SCN1A: variants seen among roughly 807,000 people sequenced by gnomAD.
The protein encoded by SCN1A is sodium voltage-gated channel alpha subunit 1, also known as sodium channel protein type 1 subunit alpha.
Under a neutral mutation model 193.7 loss-of-function variants are expected in SCN1A, and 13 were observed. The ratio of observed to expected loss-of-function variants is 0.07; its 90% CI spans 0.04 to 0.11. The LOEUF is 0.11. SCN1A is among the 10% of genes least tolerant of loss of function. The pLI is 1.00. For missense variants in SCN1A, 1,432 were observed against 2,451.1 expected (o/e 0.58, Z 8.78); for synonymous variants, 781 against 843.6 (o/e 0.93, Z 1.29).
chr2:166,133,218 C>T (rs1212772846), intron 1 of SCN1A, among the ~76,000 whole-genome samples: 1 of 152,144 alleles, frequency 6.6e-6, no homozygotes, highest in African/African-American at 2.4e-5. Flanking sequence ...CCCAGTTGCC[C>T]TCTGCCTTCC....
chr2:166,003,797 T>A (rs1360020641), intron 23 of SCN1A, among the ~76,000 whole-genome samples: 1 of 151,612 alleles, frequency 6.6e-6, no homozygotes, highest in African/African-American at 2.4e-5. Context: ...TCTGATCCAA[T>A]GGAAGTAGTC....
chr2:166,038,274 T>C, intron 17 of SCN1A, 142 bp from the exon 18 acceptor site: 1 of 667,836 alleles, frequency 1.5e-6, no homozygotes, highest in Non-Finnish European at 2.5e-6. Flanking sequence ...TGGCTAATTT[T>C]TGGACTCCCT....
chr2:166,102,409 T>C (rs1688187078), intron 2 of SCN1A, among the ~76,000 whole-genome samples: 1 of 146,694 alleles, frequency 6.8e-6, no homozygotes, highest in African/African-American at 2.6e-5. Context: ...GGCAGGAGAA[T>C]GGCGTGAACC....
chr2:166,072,897 C>T (rs1574368386), intron 4 of SCN1A, among the ~76,000 whole-genome samples: 2 of 137,104 alleles, frequency 1.5e-5, no homozygotes, highest in South Asian at 2.3e-4. Flanking sequence ...AGTGTAGTGG[C>T]GTCATCTCGG....
intron 6 of SCN1A, 114 bp downstream of exon 6, chr2:166,056,297 T>C (rs1699121394): frequency 1.4e-6 from 1 of 724,816 alleles, no homozygotes; most frequent in Non-Finnish European, 2.4e-6. Flanking sequence ...TGCGTAATTT[T>C]GTCTAGGAAT....
chr2:166,052,048 A>G (rs544735498), intron 8 of SCN1A, 60 bp from the exon 9 acceptor site: 3 of 1,488,212 alleles, frequency 2.0e-6, no homozygotes, highest in South Asian at 2.5e-5. Flanking sequence ...TAAAAGCTTC[A>G]CACAATTTTC....
Position 166,009,857 on chromosome 2 carries a change from T to C in SCN1A, c.3880-16A>G, listed in dbSNP as rs770034628. The C allele has an allele frequency of 1.9e-6, 3 of 1,601,864 alleles. No individual in the cohort carries two copies. The East Asian group carries it at 6.7e-5, about 36-fold the overall frequency. On this transcript the variant is annotated splice_polypyrimidine_tract_variant and intron_variant, in intron 22 of 28. Coordinates refer to ENST00000674923, the MANE Select transcript of SCN1A (RefSeq NM_001165963.4). ...CCAATGAAACCTGCACACACAAAAA[T>C]AATAACAATTAATAAACAGAATCAT... is the stretch of plus-strand genomic sequence containing the variant.
intron 20 of SCN1A, among the ~76,000 whole-genome samples, chr2:166,014,337 T>A (rs1309544201): frequency 6.6e-6 from 1 of 151,564 alleles, no homozygotes; most frequent in East Asian, 1.9e-4. Context: ...TTTGTTACCA[T>A]TTAGGATTTT....
chr2:166,088,578 A>G (rs1316686470), intron 2 of SCN1A, among the ~76,000 whole-genome samples: 1 of 152,224 alleles, frequency 6.6e-6, no homozygotes, highest in Admixed American at 6.5e-5. Context: ...TTAAAACCTT[A>G]TAAATAATTT....
chr2:166,131,961 C>A (rs931565464), upstream of SCN1A, among the ~76,000 whole-genome samples: 1 of 152,076 alleles, frequency 6.6e-6, no homozygotes, highest in Non-Finnish European at 1.5e-5. Context: ...AGTTTTAAGG[C>A]AGAAATGTTT....
At chr2:166,008,605 G>A (rs970203113) in intron 23 of SCN1A, among the ~76,000 whole-genome samples, 3 of 151,018 alleles carry the variant, frequency 2.0e-5, no homozygotes, top group Admixed American at 6.6e-5. Flanking sequence ...CTGAGTTGTC[G>A]ATAATGAGGA....
At chr2:166,072,943 G>T (rs1684603823) in intron 4 of SCN1A, among the ~76,000 whole-genome samples, 1 of 151,216 alleles carries the variant, frequency 6.6e-6, no homozygotes, top group African/African-American at 2.4e-5. Context: ...TTCAACAAGG[G>T]ATTCCCCTGC....
At chr2:166,095,226 A>T (rs182525891) in intron 2 of SCN1A, among the ~76,000 whole-genome samples, 28 of 152,202 alleles carry the variant, frequency 1.8e-4, no homozygotes, top group African/African-American at 6.7e-4. Flanking sequence ...AAGCTGAAAA[A>T]TTTTCAATAT....
At chr2:165,985,267 A>C (rs570625013), downstream of SCN1A, 1 of 151,190 alleles carries the variant, frequency 6.6e-6, no homozygotes, top group African/African-American at 2.4e-5. Flanking sequence ...TATGGATTGA[A>C]GGAAGGAAGG....
intron 4 of SCN1A, among the ~76,000 whole-genome samples, chr2:166,064,636 C>A (rs1381991703): frequency 6.6e-6 from 1 of 152,100 alleles, no homozygotes; most frequent in Non-Finnish European, 1.5e-5. Context: ...TTGAATTTAA[C>A]AAGCCATGGT....
intron 19 of SCN1A, among the ~76,000 whole-genome samples, chr2:166,021,096 C>T (rs1028261422): frequency 6.6e-6 from 1 of 152,206 alleles, no homozygotes; most frequent in African/African-American, 2.4e-5. Flanking sequence ...CGCAAGTCAG[C>T]ATTTTGCAAA....
chr2:165,993,748 A>C, intron 28 of SCN1A: 1 of 217,842 alleles, frequency 4.6e-6, no homozygotes, highest in Non-Finnish European at 9.1e-6. Context: ...ACTAATATCT[A>C]TATGCTGGTG....
At position 165,990,977 on chromosome 2, in the gene SCN1A, A is replaced by C. The variant is rs1235007449; in HGVS notation, c.*268T>G. Reference sequence around the variant, plus strand: ...TGCACCCCTTGAAACTGGTCCCTACAGTCTGACTAGCCATTGTGCATCTTA... The same window carrying C: ...TGCACCCCTTGAAACTGGTCCCTACCGTCTGACTAGCCATTGTGCATCTTA... On this transcript the variant is annotated 3_prime_UTR_variant, in exon 29 of 29. Transcript: ENST00000674923. 4.0e-5 allele frequency: 18 copies of C among 447,106 alleles called. No individual in the cohort carries two copies. Among genetic ancestry groups the C allele is most frequent in the Non-Finnish European group, 6.0e-5 (15 of 249,168 alleles). 27.7% of individuals were successfully genotyped at this position (447,106 alleles called of 1,614,324 possible).
chr2:166,026,784 T>C (rs541600926), intron 19 of SCN1A, among the ~76,000 whole-genome samples: 34 of 148,798 alleles, frequency 2.3e-4, no homozygotes, highest in African/African-American at 6.9e-4. Context: ...CCCAGGTTCA[T>C]GTCATTCTCC....
Sources: allele counts gnomAD v4.1 joint callset (sites outside exome capture counted in the v4.1 genomes callset), GRCh38; gene constraint gnomAD v4.1.1; transcripts MANE v1.5; gene names NCBI Gene and HGNC (gene_info 2026-07-23, HGNC 2026-07-21).